Variants in NOTCH3 observed in about 807,000 individuals in gnomAD.
NOTCH3 encodes the protein neurogenic locus notch homolog protein 3.
Under a neutral mutation model 213.3 loss-of-function variants are expected in NOTCH3, and 86 were observed. The ratio of observed to expected loss-of-function variants is 0.40; its 90% CI spans 0.34 to 0.48. NOTCH3 has a LOEUF of 0.48. Among genes scored for constraint, NOTCH3 ranks in the 20% least tolerant of loss-of-function variants. The probability of loss-of-function intolerance (pLI) is 0.57; values close to 1 mark genes in which losing one functional copy is unlikely to be tolerated. For missense variants in NOTCH3, 2,783 were observed against 3,272.6 expected, an observed-to-expected ratio of 0.85 and a Z score of 3.65; for synonymous variants, 1,354 against 1,355.9, an observed-to-expected ratio of 1.00 and a Z score of 0.03.
intron 23 of NOTCH3, 99 bp from the exon 24 acceptor site, chr19:15,178,189 G>A (rs1184731349): frequency 1.4e-6 from 1 of 712,540 alleles, no homozygotes; most frequent in East Asian, 3.2e-5. Flanking sequence ...AGAGTCAAGG[G>A]GAGAGAGGGG....
rs1478793568 is a variant in NOTCH3 at position 15,161,076 on chromosome 19, C to A, written c.6552G>T (p.Ser2184=). The change falls in exon 33 of 33, where the codon TCG becomes TCT. Residue 2184 remains serine, a synonymous_variant. Coordinates refer to ENST00000263388, the MANE Select transcript of NOTCH3 (RefSeq NM_000435.3). ...RLPPPAPPGP[S]FLLPLAPGPQ... ...GTCCCGGCGCCAGTGGCAGCAGGAA[C>A]GAGGGGCCTGGAGGGGCAGGTGGGG... 1 of 1,541,260 alleles carries A rather than the reference C, an allele frequency of 6.5e-7. No homozygotes were observed. The highest frequency in any genetic ancestry group is 8.7e-7 in the Non-Finnish European group (1 of 1,149,010).
Position 15,174,121 on chromosome 19 carries a change from A to G in NOTCH3, c.4683T>C (p.Pro1561=). The change falls in exon 25 of 33, where the codon CCT becomes CCC. Residue 1561 remains proline, a synonymous_variant. Transcript: ENST00000263388. ...GQAMVFPYHR[P]SPGSEPRARR... ...GGGCCCGGGGTTCGGAGCCAGGACT[A>G]GGCCGGTGGTAAGGGAAGACCATGG... The G allele has an allele frequency of 6.2e-7, 1 of 1,603,074 alleles. No individual in the cohort carries two copies. Among genetic ancestry groups the G allele is most frequent in the Non-Finnish European group, 8.5e-7 (1 of 1,173,174 alleles).
At position 15,180,170 on chromosome 19, in the gene NOTCH3, T is replaced by G. The variant is rs1423044845; in HGVS notation, c.3229A>C (p.Thr1077Pro). The change falls in exon 20 of 33, where the codon ACT becomes CCT. Residue 1077 changes from threonine (T) to proline (P), a missense_variant. Physicochemically the swap from Thr to Pro is conservative, Grantham distance 38. This residue lies in a region of NOTCH3 where 861 missense variants were observed against 909.1 expected (regional missense o/e 0.95). Transcript: ENST00000263388. ...SHYCVCPEGR[T>P]GSHCEQEVDP... ...ACCTCCTGCTCACAGTGGCTACCAG[T>G]ACGGCCCTCTGGGCACACGCAGTAG... The G allele has an allele frequency of 6.2e-7, 1 of 1,613,716 alleles. No homozygotes were observed. The highest frequency in any genetic ancestry group is 2.2e-5 in the East Asian group (1 of 44,868).
chr19:15,190,638 C>T (rs10404584), intron 6 of NOTCH3, among the ~76,000 whole-genome samples: 45,861 of 152,190 alleles, frequency 0.3, 10,316 homozygotes, highest in African/African-American at 0.63. Flanking sequence ...CAGGCTGGAA[C>T]GCAGTGGCTC....
intron 6 of NOTCH3, among the ~76,000 whole-genome samples, chr19:15,189,664 T>C (rs557197445): frequency 1.3e-5 from 2 of 152,228 alleles, no homozygotes; most frequent in East Asian, 3.9e-4. Flanking sequence ...ATTACAGGCA[T>C]GTGCCACCAC....
chr19:15,182,527 T>C lies in NOTCH3; in HGVS notation c.2567-726A>G, dbSNP rs966847795. Among the ~76,000 whole-genome samples the C allele has an allele frequency of 8.6e-5, 13 of 151,686 alleles. No homozygotes were observed. The East Asian group carries it at 2.3e-3, about 27-fold the overall frequency. On this transcript the variant is annotated intron_variant, in intron 16 of 32. Transcript: ENST00000263388. ...GTCTCAAAAAAAAAAAAGGAAACAATGTAAAATATCTCATTAACAATTTTA... is the reference window on the plus strand; with the variant it reads ...GTCTCAAAAAAAAAAAAGGAAACAACGTAAAATATCTCATTAACAATTTTA...
rs756179875 is a variant in NOTCH3 at position 15,160,833 on chromosome 19, G to A, written c.6795C>T (p.Asp2265=). 6.2e-7 allele frequency: 1 copy of A among 1,614,092 alleles called. No homozygotes were observed. The highest frequency in any genetic ancestry group is 8.5e-7 in the Non-Finnish European group (1 of 1,179,960). The change falls in exon 33 of 33, where the codon GAC becomes GAT. Residue 2265 remains aspartate (D), a synonymous_variant. Transcript: ENST00000263388. ...WASPSPPSLS[D]WSESTPSPAT... Reference sequence around the variant, plus strand: ...CTGGGCTAGGCGTGGATTCGGACCAGTCTGAGAGGGAGGGAGGTGAGGGGC... The same window carrying A: ...CTGGGCTAGGCGTGGATTCGGACCAATCTGAGAGGGAGGGAGGTGAGGGGC...
Position 15,185,316 on chromosome 19 carries a change from C to A in NOTCH3, c.2237G>T (p.Gly746Val). The change falls in exon 14 of 33, where the codon GGT becomes GTT. Residue 746 changes from glycine to valine, a missense_variant. By Grantham distance (109) the Gly-to-Val change is moderately radical. Coordinates refer to ENST00000263388, the MANE Select transcript of NOTCH3 (RefSeq NM_000435.3). The surrounding 1 kb of genome is among the most constrained non-coding windows in gnomAD (Gnocchi z 4.2). ...DACESQPCRAGGTCSSDGMGF... is the reference protein window; with the variant it reads ...DACESQPCRAVGTCSSDGMGF... The stretch of plus-strand genomic sequence containing the variant: ...CATTCCATCGCTGCTGCATGTCCCA[C>A]CGGCCCTGCACGGCTGGGACTCACA... 1.2e-6 allele frequency: 2 copies of A among 1,613,098 alleles called. No homozygotes were observed. Among genetic ancestry groups the A allele is most frequent in the Non-Finnish European group, 1.7e-6 (2 of 1,179,982 alleles).
chr19:15,160,727 C>G lies in NOTCH3; in HGVS notation c.6901G>C (p.Ala2301Pro), dbSNP rs1394306300. The G allele has an allele frequency of 1.2e-6, 2 of 1,614,154 alleles. No individual in the cohort carries two copies. Among genetic ancestry groups the G allele is most frequent in the Non-Finnish European group, 1.7e-6 (2 of 1,180,016 alleles). ...GGCCCCAGCTGGGTCTGGGCCTGAG[C>G]AAGGGAGCTGGGAACAGACAAGGGA... ...PLPLSVPSSLAQAQTQLGPQP... is the reference protein window; with the variant it reads ...PLPLSVPSSLPQAQTQLGPQP... Residue 2301 changes from alanine (A) to proline (P), a missense_variant, in exon 33 of 33, where the codon GCT (alanine) becomes CCT (proline). Transcript: ENST00000263388.
At position 15,185,489 on chromosome 19, in the gene NOTCH3, G is replaced by T. The variant is rs369579579; in HGVS notation, c.2142C>A (p.Gly714=). 1.9e-5 allele frequency: 30 copies of T among 1,612,948 alleles called. No individual in the cohort carries two copies. The highest frequency in any genetic ancestry group is 2.5e-5 in the Non-Finnish European group (29 of 1,179,598). ...CSHGICYDAP[G]GFRCVCEPGW... ...CTGAGGCTGAGAAGGGCCCTCACCC[G>T]CCAGGTGCATCATAGCAGATGCCGT... Residue 714 remains glycine (G), a splice_region_variant and synonymous_variant, in exon 13 of 33, where the codon GGC becomes GGA. Coordinates refer to ENST00000263388, the MANE Select transcript of NOTCH3 (RefSeq NM_000435.3). This position sits in a 1 kb window ranked among gnomAD's most constrained non-coding sequence, Gnocchi z 4.2.
Position 15,178,002 on chromosome 19 carries a change from CG to C in NOTCH3, c.3925del (p.Arg1309AlafsTer111). ...TGGGGGGCAGGCGCAGCGCGGCCCG[CG>C]GGGCGTCTGCTGGCATGGGACGCCC... The part of the protein sequence containing the change: ...PVGVPCQQTP[R>X]GPRCACPPGL... On this transcript the variant is annotated frameshift_variant, in exon 24 of 33. Transcript: ENST00000263388. LOFTEE classifies it high-confidence loss of function. 1 of 1,465,084 alleles carries C rather than the reference CG, an allele frequency of 6.8e-7. No homozygotes were observed. The highest frequency in any genetic ancestry group is 9.0e-7 in the Non-Finnish European group (1 of 1,111,798). 90.8% of individuals were successfully genotyped at this position (1,465,084 alleles called of 1,614,324 possible). A position where few individuals can be genotyped will look rare whatever the true frequency, so the allele number is the denominator to read the frequency against.
At position 15,161,674 on chromosome 19, in the gene NOTCH3, T is replaced by G; in HGVS notation, c.5954A>C (p.Tyr1985Ser). Residue 1985 changes from tyrosine to serine, a missense_variant, in exon 33 of 33, where the codon TAT becomes TCT. By Grantham distance (144) the Tyr-to-Ser change is moderately radical. Around this residue, in one of 6 missense-constraint regions of NOTCH3, gnomAD observed 636 missense variants for 801.8 expected, o/e 0.79. Transcript: ENST00000263388. ...GTCCAACAGCAGCTTGGCAGCCTCATAGCTGCCCTCGCGGGCGGCCAGGAA... is the reference window on the plus strand; with the variant it reads ...GTCCAACAGCAGCTTGGCAGCCTCAGAGCTGCCCTCGCGGGCGGCCAGGAA... Reference protein sequence around the residue: ...PLFLAAREGSYEAAKLLLDHF... With the variant: ...PLFLAAREGSSEAAKLLLDHF... 1 of 1,613,896 alleles carries G rather than the reference T, an allele frequency of 6.2e-7. No individual in the cohort carries two copies. The highest frequency in any genetic ancestry group is 8.5e-7 in the Non-Finnish European group (1 of 1,179,948).
intron 25 of NOTCH3, among the ~76,000 whole-genome samples, chr19:15,172,197 C>A (rs2046740418): frequency 6.6e-6 from 1 of 152,202 alleles, no homozygotes; most frequent in African/African-American, 2.4e-5. Context: ...CACCTGGCCT[C>A]TTCCTCTTTT....
rs751064207 is a variant in NOTCH3 at position 15,174,286 on chromosome 19, G to A, written c.4518C>T (p.Ala1506=). 6.4e-7 allele frequency: 1 copy of A among 1,562,228 alleles called. No homozygotes were observed. The highest frequency in any genetic ancestry group is 1.2e-5 in the South Asian group (1 of 86,168). ...GCACCAGCACGCCGCGGGCCAGCAG[G>A]GCCGGCACCTCGCTGGCACAATCCA... The part of the protein sequence containing the change: ...DGLDCASEVP[A]LLARGVLVLT... Residue 1506 remains alanine (A), a synonymous_variant, in exon 25 of 33, where the codon GCC becomes GCT. Coordinates refer to ENST00000263388, the MANE Select transcript of NOTCH3 (RefSeq NM_000435.3).
intron 21 of NOTCH3, 26 bp downstream of exon 21, chr19:15,179,338 T>C (rs2145418718): frequency 6.2e-7 from 1 of 1,610,332 alleles, no homozygotes; most frequent in Non-Finnish European, 8.5e-7. Flanking sequence ...TCTCATCCTG[T>C]CCCCCCAACC....
rs2145421511 is a variant in NOTCH3, at chr19:15,180,699, C to T, written c.3124G>A (p.Glu1042Lys). ...CACTCACCGATCTGGGCTGCGGCCT[C>T]CCTGCAGGGCAAGCTTCGGATGTCA... ...LCDIRSLPCR[E>K]AAAQIGVRLE... The change falls in exon 19 of 33, where the codon GAG (glutamate) becomes AAG (lysine). Residue 1042 changes from glutamate to lysine, a missense_variant. By Grantham distance (56) the Glu-to-Lys change is moderately conservative. Coordinates refer to ENST00000263388, the MANE Select transcript of NOTCH3 (RefSeq NM_000435.3). 6.4e-7 allele frequency: 1 copy of T among 1,559,252 alleles called. No individual in the cohort carries two copies.
At position 15,160,610 on chromosome 19, in the gene NOTCH3, G is replaced by T; in HGVS notation, c.*52C>A. 1 of 1,318,382 alleles carries T rather than the reference G, an allele frequency of 7.6e-7. No individual in the cohort carries two copies. The highest frequency in any genetic ancestry group is 1.1e-6 in the Non-Finnish European group (1 of 910,118). 81.7% of individuals were successfully genotyped at this position (1,318,382 alleles called of 1,614,324 possible). A position where few individuals can be genotyped will look rare whatever the true frequency, so the allele number is the denominator to read the frequency against. On this transcript the variant is annotated 3_prime_UTR_variant, in exon 33 of 33. Coordinates refer to ENST00000263388, the MANE Select transcript of NOTCH3 (RefSeq NM_000435.3). ...AAGGAAGAGACAGAGAAAGAAAGGA[G>T]GCAGGACGGGGGTCTCTTTAGGCCC...
intron 2 of NOTCH3, among the ~76,000 whole-genome samples, chr19:15,195,781 G>T (rs1273119573): frequency 2.6e-5 from 4 of 151,414 alleles, no homozygotes; most frequent in Non-Finnish European, 4.4e-5. Context: ...GGCAGGGCGC[G>T]ACCCGCGCGG....
chr19:15,189,013 G>C lies in NOTCH3; in HGVS notation c.1354C>G (p.Gln452Glu). The change falls in exon 8 of 33, where the codon CAG becomes GAG. Residue 452 changes from glutamine to glutamate, a missense_variant. By Grantham distance (29) the Gln-to-Glu change is conservative. This residue lies in a region of NOTCH3 where 708 missense variants were observed against 906.6 expected (regional missense o/e 0.78). Coordinates refer to ENST00000263388, the MANE Select transcript of NOTCH3 (RefSeq NM_000435.3). ...NQATCLDRIG[Q>E]FTCICMAGFT... ...CCTGCCATACAGATACAGGTGAACT[G>C]GCCTATGCGGTCGAGGCACGTGGCC... 1 of 1,611,684 alleles carries C rather than the reference G, an allele frequency of 6.2e-7. No individual in the cohort carries two copies. Among genetic ancestry groups the C allele is most frequent in the Non-Finnish European group, 8.5e-7 (1 of 1,179,392 alleles).
Sources: gnomAD v4.1 joint callset for allele counts (sites outside exome capture counted in the v4.1 genomes callset) on GRCh38, gnomAD v4.1.1 for gene constraint, gnomAD v4.1.1 regional missense constraint, Gnocchi (gnomAD v3.1) non-coding constraint, MANE v1.5 for transcripts, NCBI Gene and HGNC (gene_info 2026-07-23, HGNC 2026-07-21) for gene names.